Variants in PSMA1 observed in about 807,000 individuals in gnomAD.
PSMA1 encodes proteasome 20S subunit alpha 1.
Under a neutral mutation model 38.4 loss-of-function variants are expected in PSMA1, and 3 were observed. The observed-to-expected ratio is 0.08, with a 90% CI of 0.04 to 0.20. The LOEUF (loss-of-function observed/expected upper bound fraction) is 0.20, where lower values mean the gene tolerates loss of function less well. Among genes scored for constraint, PSMA1 ranks in the 10% least tolerant of loss-of-function variants. PSMA1 has a pLI of 1.00. For synonymous variants in PSMA1, 101 were observed against 107.1 expected (o/e 0.94, Z 0.35); for missense variants, 227 against 325.3 (o/e 0.70, Z 2.32).
At chr11:14,587,751 C>T (rs916263707) in intron 2 of PSMA1, among the ~76,000 whole-genome samples, 1 of 152,062 alleles carries the variant, frequency 6.6e-6, no homozygotes, top group Non-Finnish European at 1.5e-5. Context: ...GGTTATAACA[C>T]CTACTTCACT....
chr11:14,568,603 T>C (rs1003737725), intron 2 of PSMA1, among the ~76,000 whole-genome samples: 4 of 152,362 alleles, frequency 2.6e-5, no homozygotes, highest in Admixed American at 2.0e-4. Context: ...ATGAAATCTT[T>C]ATCTTCCTTG....
intron 2 of PSMA1, among the ~76,000 whole-genome samples, chr11:14,563,905 AT>A (rs1852038722): frequency 6.6e-6 from 1 of 152,226 alleles, no homozygotes; most frequent in Admixed American, 6.5e-5. Flanking sequence ...CAATGATTAA[AT>A]TTAATAAAGT....
intron 2 of PSMA1, among the ~76,000 whole-genome samples, chr11:14,605,062 A>T (rs1852626560): frequency 6.6e-6 from 1 of 152,214 alleles, no homozygotes; most frequent in South Asian, 2.1e-4. Context: ...TCTTTTGGAT[A>T]TATACCTAGT....
At chr11:14,521,765 C>CAAAAA (rs367961519), upstream of PSMA1, among the ~76,000 whole-genome samples, 9 of 107,920 alleles carry the variant, frequency 8.3e-5, no homozygotes, top group African/African-American at 1.5e-4. Flanking sequence ...GACTCCATCT[C>CAAAAA]AAAAAAAAAA....
chr11:14,513,871 T>C lies in PSMA1; in HGVS notation c.360A>G (p.Thr120=), dbSNP rs773741331. The C allele has an allele frequency of 6.2e-7, 1 of 1,600,632 alleles. No homozygotes were observed. ...CATATGGTCTCCGGCCATATCGTTG[T>C]GTTGGTATCTGGGTCTCTTAGACTG... is the stretch of plus-strand genomic sequence containing the variant. The part of the protein sequence containing the change: ...SLIGSKTQIP[T]QRYGRRPYGV... The change falls in exon 6 of 10, where the codon ACA becomes ACG. Residue 120 remains threonine, a synonymous_variant. Coordinates refer to ENST00000396394, the MANE Select transcript of PSMA1 (RefSeq NM_002786.4).
chr11:14,538,825 G>A lies in PSMA1; in HGVS notation c.22-19784C>T, dbSNP rs533855712. Reference sequence around the variant, plus strand: ...AGTACCTGACTTCTGCCTTTCCAGAGCATTTGTATACACACAGCAGTTCTG... The same window carrying A: ...AGTACCTGACTTCTGCCTTTCCAGAACATTTGTATACACACAGCAGTTCTG... On this transcript the variant is annotated intron_variant, in intron 2 of 10. Coordinates refer to the PSMA1 transcript ENST00000418988. Among the ~76,000 whole-genome samples, 9 of 152,338 alleles carry A rather than the reference G, an allele frequency of 5.9e-5. No homozygotes were observed. The South Asian group carries it at 1.9e-3, about 32-fold the overall frequency.
chr11:14,532,548 TGAGCCGA>T (rs1162838157), intron 2 of PSMA1, among the ~76,000 whole-genome samples: 3 of 147,450 alleles, frequency 2.0e-5, no homozygotes, highest in South Asian at 2.1e-4. Context: ...GAGGTTGCAG[TGAGCCGA>T]GATTGTGCCA....
chr11:14,516,960 A>G (rs780920970), intron 4 of PSMA1, among the ~76,000 whole-genome samples: 6 of 152,188 alleles, frequency 3.9e-5, no homozygotes, highest in Non-Finnish European at 7.4e-5. Flanking sequence ...AATAGCCTTG[A>G]TAAAGAAAAC....
At chr11:14,626,943 G>T (rs1175323196) in intron 1 of PSMA1, among the ~76,000 whole-genome samples, 1 of 152,162 alleles carries the variant, frequency 6.6e-6, no homozygotes, top group East Asian at 1.9e-4. Context: ...AGTTCTGGAG[G>T]CTAGAAAGTC....
chr11:14,634,632 C>T (rs1275742558), intron 1 of PSMA1, among the ~76,000 whole-genome samples: 1 of 152,048 alleles, frequency 6.6e-6, no homozygotes, highest in Non-Finnish European at 1.5e-5. Flanking sequence ...GCATGAGCCA[C>T]CGTGCATAGC....
chr11:14,632,633 C>T (rs1359618176), intron 1 of PSMA1, among the ~76,000 whole-genome samples: 4 of 150,710 alleles, frequency 2.7e-5, no homozygotes, highest in African/African-American at 9.8e-5. Flanking sequence ...GTGAATCTGA[C>T]AATTATGTGT....
At chr11:14,578,145 G>A in intron 2 of PSMA1, among the ~76,000 whole-genome samples, 1 of 151,750 alleles carries the variant, frequency 6.6e-6, no homozygotes, top group East Asian at 1.9e-4. Context: ...GATGGGTGCA[G>A]CAAGCCACCA....
chr11:14,642,237 C>T (rs1486526511), intron 1 of PSMA1, among the ~76,000 whole-genome samples: 1 of 152,182 alleles, frequency 6.6e-6, no homozygotes, highest in East Asian at 1.9e-4. Context: ...TCTGTACAAA[C>T]TCAAAATGTA....
intron 1 of PSMA1, among the ~76,000 whole-genome samples, chr11:14,626,146 T>TTTC (rs61094196): frequency 6.6e-6 from 1 of 151,494 alleles, no homozygotes; most frequent in African/African-American, 2.4e-5. Flanking sequence ...TTTTTTTTTT[T>TTTC]CCCTATTTAC....
chr11:14,563,412 G>A (rs1852032926), intron 2 of PSMA1, among the ~76,000 whole-genome samples: 1 of 152,098 alleles, frequency 6.6e-6, no homozygotes, highest in Non-Finnish European at 1.5e-5. Flanking sequence ...ACCTGTGCTG[G>A]GATCAAACCC....
intron 5 of PSMA1, chr11:14,514,164 ATTAAG>A: frequency 7.5e-7 from 1 of 1,336,194 alleles, no homozygotes; most frequent in African/African-American, 1.5e-5. Flanking sequence ...ATCTAGAACC[ATTAAG>A]AAACTTTAAA....
At chr11:14,510,800 C>CA in intron 8 of PSMA1, 72 bp downstream of exon 8, 1 of 1,058,404 alleles carries the variant, frequency 9.4e-7, no homozygotes, top group Non-Finnish European at 1.4e-6. Flanking sequence ...TGCATATATA[C>CA]TCCATTACAT....
chr11:14,558,432 C>T (rs1228066280), intron 2 of PSMA1, among the ~76,000 whole-genome samples: 1 of 151,852 alleles, frequency 6.6e-6, no homozygotes, highest in Non-Finnish European at 1.5e-5. Flanking sequence ...AATTAAAAAA[C>T]AATAATAAAT....
chr11:14,600,091 T>C (rs780658238), intron 2 of PSMA1, among the ~76,000 whole-genome samples: 13 of 152,182 alleles, frequency 8.5e-5, no homozygotes, highest in Admixed American at 7.9e-4. Context: ...ACAGCATACA[T>C]TGCTGTCTGG....
Sources: gnomAD v4.1 joint callset for allele counts (sites outside exome capture counted in the v4.1 genomes callset) on GRCh38, gnomAD v4.1.1 for gene constraint, MANE v1.5 for transcripts, NCBI Gene and HGNC (gene_info 2026-07-23, HGNC 2026-07-21) for gene names.